AMZ1: variants seen among roughly 807,000 people sequenced by gnomAD.
The protein encoded by AMZ1 is archaelysin family metallopeptidase 1.
A neutral mutation model predicts 29.9 loss-of-function variants in AMZ1; 39 were observed. The observed-to-expected ratio is 1.30, with a 90% confidence interval of 1.01 to 1.70. AMZ1 has a LOEUF of 1.70. Ranked by LOEUF, AMZ1 falls within the 40% of genes most tolerant of loss-of-function variation. AMZ1 has a pLI of 0.00. For synonymous variants in AMZ1, 458 were observed against 304.0 expected, an observed-to-expected ratio of 1.51 and a Z score of -5.27; for missense variants, 1,041 against 680.6, an observed-to-expected ratio of 1.53 and a Z score of -5.89.
At chr7:2,720,760 CA>C (rs1480266728), downstream of AMZ1, among the ~76,000 whole-genome samples, 1 of 152,012 alleles carries the variant, frequency 6.6e-6, no homozygotes, top group Non-Finnish European at 1.5e-5. Context: ...AGGCTTATCT[CA>C]AATGCCTGGG....
intron 1 of AMZ1, among the ~76,000 whole-genome samples, chr7:2,688,815 G>A (rs1212212679): frequency 6.6e-6 from 1 of 152,220 alleles, no homozygotes; most frequent in Non-Finnish European, 1.5e-5. Context: ...GACTGAGGGA[G>A]AAGGCTGTGG....
chr7:2,747,669 A>C (rs1790832366), intron 4 of AMZ1, among the ~76,000 whole-genome samples: 1 of 152,228 alleles, frequency 6.6e-6, no homozygotes, highest in Non-Finnish European at 1.5e-5. Context: ...AGTCCTAGGC[A>C]GGGCAATCAG....
At position 2,700,412 on chromosome 7, in the gene AMZ1, G is replaced by A; in HGVS notation, c.-40G>A. On this transcript the variant is annotated 5_prime_UTR_variant, in exon 2 of 7. Coordinates refer to ENST00000683327, the MANE Select transcript of AMZ1 (RefSeq NM_001384743.1). ...TCCCCCGGGTGGCCCATGGACAGCAGCAGGGGCTCCCAGGAGTGGCCAGGC... is the reference window on the plus strand; with the variant it reads ...TCCCCCGGGTGGCCCATGGACAGCAACAGGGGCTCCCAGGAGTGGCCAGGC... The A allele has an allele frequency of 6.3e-7, 1 of 1,575,408 alleles. No homozygotes were observed. Among genetic ancestry groups the A allele is most frequent in the Non-Finnish European group, 8.6e-7 (1 of 1,166,090 alleles).
At chr7:2,700,869 C>T in intron 2 of AMZ1, 114 bp downstream of exon 2, 1 of 1,391,552 alleles carries the variant, frequency 7.2e-7, no homozygotes, top group Non-Finnish European at 9.7e-7. Flanking sequence ...GGAAGAGGGT[C>T]CTGGGTGTAT....
intron 4 of AMZ1, among the ~76,000 whole-genome samples, chr7:2,737,834 G>C (rs1216726377): frequency 6.6e-6 from 1 of 152,192 alleles, no homozygotes; most frequent in Non-Finnish European, 1.5e-5. Context: ...ATTAAAGTTA[G>C]CATTTGATTT....
At chr7:2,727,814 G>A (rs756077458) in intron 4 of AMZ1, among the ~76,000 whole-genome samples, 12 of 152,104 alleles carry the variant, frequency 7.9e-5, no homozygotes, top group East Asian at 5.8e-4. Context: ...GTGGGAGGCT[G>A]TGGGAGGCTG....
Position 2,717,281 on chromosome 7 carries a change from GGAGA to G in AMZ1, c.*4406_*4409del, listed in dbSNP as rs767016526. On this transcript the variant is annotated 3_prime_UTR_variant, in exon 7 of 7. Coordinates refer to ENST00000683327, the MANE Select transcript of AMZ1 (RefSeq NM_001384743.1). Reference sequence around the variant, plus strand: ...GGAATATTTTTATCCCCGTGAAGACGGAGAGAATCAGGGCTTCGCGACGGGGCTC... The same window carrying G: ...GGAATATTTTTATCCCCGTGAAGACGGAATCAGGGCTTCGCGACGGGGCTC... Among the ~76,000 whole-genome samples, 12 of 152,236 alleles carry G rather than the reference GGAGA, an allele frequency of 7.9e-5. No individual in the cohort carries two copies. Among genetic ancestry groups the G allele is most frequent in the Non-Finnish European group, 1.5e-4 (10 of 68,044 alleles).
At chr7:2,695,287 CCAGGAGTG>C in intron 1 of AMZ1, among the ~76,000 whole-genome samples, 1 of 152,266 alleles carries the variant, frequency 6.6e-6, no homozygotes, top group Middle Eastern at 3.4e-3. Context: ...CTCCAGGAGT[CCAGGAGTG>C]AGACCCACGC....
upstream of AMZ1, among the ~76,000 whole-genome samples, chr7:2,763,674 C>G (rs1019350852): frequency 6.6e-6 from 1 of 152,210 alleles, no homozygotes. Flanking sequence ...AGGAAGATCC[C>G]TGGTAAGAAT....
chr7:2,734,891 CG>C (rs1790083513), intron 4 of AMZ1, among the ~76,000 whole-genome samples: 1 of 152,266 alleles, frequency 6.6e-6, no homozygotes, highest in Non-Finnish European at 1.5e-5. Context: ...GGGAAGGCAT[CG>C]GGAGTGCCAG....
chr7:2,709,960 C>T (rs1788661023), intron 6 of AMZ1, 144 bp downstream of exon 6: 32 of 1,172,374 alleles, frequency 2.7e-5, no homozygotes, highest in Non-Finnish European at 3.6e-5. Context: ...GCCCTGGGAC[C>T]TGCGCTGGGG....
Position 2,709,063 on chromosome 7 carries a change from A to G in AMZ1, c.602-12A>G, listed in dbSNP as rs749495362. On this transcript the variant is annotated splice_polypyrimidine_tract_variant and intron_variant, in intron 4 of 6. Coordinates refer to ENST00000683327, the MANE Select transcript of AMZ1 (RefSeq NM_001384743.1). Reference sequence around the variant, plus strand: ...GACCCCTGAGAGTGCCCTTCTCTCCATCTCTCTCCAGAAGTGGGCGTCTGC... The same window carrying G: ...GACCCCTGAGAGTGCCCTTCTCTCCGTCTCTCTCCAGAAGTGGGCGTCTGC... 1.3e-6 allele frequency: 2 copies of G among 1,564,242 alleles called. No homozygotes were observed. The highest frequency in any genetic ancestry group is 1.7e-6 in the Non-Finnish European group (2 of 1,157,018).
At chr7:2,704,757 T>A (rs1301874370) in intron 3 of AMZ1, among the ~76,000 whole-genome samples, 1 of 151,958 alleles carries the variant, frequency 6.6e-6, no homozygotes, top group Admixed American at 6.6e-5. Flanking sequence ...GTACTGTGCC[T>A]GGCTATTTTT....
At chr7:2,737,679 G>C (rs1790277398) in intron 4 of AMZ1, among the ~76,000 whole-genome samples, 1 of 152,122 alleles carries the variant, frequency 6.6e-6, no homozygotes, top group Admixed American at 6.6e-5. Flanking sequence ...GCTTGTTAAT[G>C]GTGAGCTAGA....
chr7:2,733,228 T>TC (rs1789989231), intron 4 of AMZ1, among the ~76,000 whole-genome samples: 1 of 152,192 alleles, frequency 6.6e-6, no homozygotes, highest in Non-Finnish European at 1.5e-5. Flanking sequence ...TCTGTCTGTC[T>TC]CCTTTATGGT....
rs892265497 is a variant in AMZ1 at position 2,718,044 on chromosome 7, G to A, written c.*5166G>A. Among the ~76,000 whole-genome samples, 1 of 152,204 alleles carries A rather than the reference G, an allele frequency of 6.6e-6. No homozygotes were observed. The highest frequency in any genetic ancestry group is 1.5e-5 in the Non-Finnish European group (1 of 68,032). ...CAGAGGGTCCGCGGCAGCCAGGCCC[G>A]TCCAACCTCCTGCCCTCTCTGAGAG... On this transcript the variant is annotated 3_prime_UTR_variant, in exon 7 of 7. Transcript: ENST00000683327.
intron 3 of AMZ1, among the ~76,000 whole-genome samples, chr7:2,705,303 TC>T (rs1226921258): frequency 2.6e-5 from 4 of 152,098 alleles, no homozygotes; most frequent in African/African-American, 4.8e-5. Flanking sequence ...TCCTGCCCAC[TC>T]CCCCACCCCA....
At position 2,758,585 on chromosome 7, in the gene AMZ1, C is replaced by T. The variant is rs1373299759; in HGVS notation, n.551-6127C>T. Among the ~76,000 whole-genome samples, 5 of 152,170 alleles carry T rather than the reference C, an allele frequency of 3.3e-5. No homozygotes were observed. In the East Asian group the frequency reaches 9.6e-4, roughly 29 times the overall value. The stretch of plus-strand genomic sequence containing the variant: ...GCCAAAGGGAGGTGATCTTGGTGGG[C>T]CTGATCTAATCAGGGGAGCCTTTCA... On this transcript the variant is annotated intron_variant and non_coding_transcript_variant, in intron 4 of 4. Transcript: ENST00000489665.
chr7:2,717,215 C>T lies in AMZ1; in HGVS notation c.*4337C>T, dbSNP rs1789179359. ...CACCCCCGTGATTGCTGGGGCTTCACTGATTTGTTTTGTTTATAAAAGGAG... is the reference window on the plus strand; with the variant it reads ...CACCCCCGTGATTGCTGGGGCTTCATTGATTTGTTTTGTTTATAAAAGGAG... On this transcript the variant is annotated 3_prime_UTR_variant, in exon 7 of 7. Coordinates refer to ENST00000683327, the MANE Select transcript of AMZ1 (RefSeq NM_001384743.1). Among the ~76,000 whole-genome samples the T allele has an allele frequency of 6.6e-6, 1 of 152,228 alleles. No homozygotes were observed. The highest frequency in any genetic ancestry group is 2.1e-4 in the South Asian group (1 of 4,834).
Sources: allele counts gnomAD v4.1 joint callset (sites outside exome capture counted in the v4.1 genomes callset), GRCh38; gene constraint gnomAD v4.1.1; transcripts MANE v1.5; gene names NCBI Gene and HGNC (gene_info 2026-07-23, HGNC 2026-07-21).